Variants in PHOSPHO1 observed in about 807,000 individuals in gnomAD.
PHOSPHO1 encodes phosphoethanolamine/phosphocholine phosphatase.
In PHOSPHO1, 6 loss-of-function variants were observed where a neutral mutation model predicts 17.7. The observed-to-expected ratio is 0.34, with a 90% CI of 0.19 to 0.67. The LOEUF is 0.67. Among genes scored for constraint, PHOSPHO1 ranks in the 30% least tolerant of loss-of-function variants. The pLI, the probability that PHOSPHO1 is intolerant of heterozygous loss-of-function variation, is 0.69. For synonymous variants in PHOSPHO1, 159 were observed against 174.6 expected (o/e 0.91, Z 0.71); for missense variants, 330 against 392.1 (o/e 0.84, Z 1.34).
chr17:49,224,126 A>G lies in PHOSPHO1; in HGVS notation c.*120T>C. On this transcript the variant is annotated 3_prime_UTR_variant, in exon 3 of 3. Transcript: ENST00000310544. ...AGCCCCCAAATACGAGATTCCAGAA[A>G]TTCCCAGAGGGACATAACAAAGCCA... 2 of 1,366,086 alleles carry G rather than the reference A, an allele frequency of 1.5e-6. No homozygotes were observed. Among genetic ancestry groups the G allele is most frequent in the Non-Finnish European group, 1.9e-6 (2 of 1,039,366 alleles). 84.6% of individuals were successfully genotyped at this position (1,366,086 alleles called of 1,614,324 possible).
chr17:49,226,627 C>G lies in PHOSPHO1; in HGVS notation c.45+20G>C. 6.2e-7 allele frequency: 1 copy of G among 1,613,722 alleles called. No homozygotes were observed. Among genetic ancestry groups the G allele is most frequent in the Non-Finnish European group, 8.5e-7 (1 of 1,179,706 alleles). Reference sequence around the variant, plus strand: ...GGGCTGAGGCCTCATCCTAGGAGACCCCTGGAGGGACCCACTTACCCTAGA... The same window carrying G: ...GGGCTGAGGCCTCATCCTAGGAGACGCCTGGAGGGACCCACTTACCCTAGA... On this transcript the variant is annotated intron_variant, in intron 2 of 2. Coordinates refer to ENST00000310544, the MANE Select transcript of PHOSPHO1 (RefSeq NM_178500.4).
intron 2 of PHOSPHO1, chr17:49,225,810 C>T (rs2043349186): frequency 1.6e-6 from 2 of 1,216,518 alleles, no homozygotes; most frequent in Non-Finnish European, 2.1e-6. Flanking sequence ...GAGAAGAGAG[C>T]AGCAGTGGCT....
At chr17:49,226,388 C>T (rs1426271371) in intron 2 of PHOSPHO1, among the ~76,000 whole-genome samples, 1 of 152,182 alleles carries the variant, frequency 6.6e-6, no homozygotes, top group Non-Finnish European at 1.5e-5. Context: ...TCCCTTCCAC[C>T]TCATCCCTAG....
At chr17:49,225,067 G>A (rs992737328) in intron 2 of PHOSPHO1, 63 bp from the exon 3 acceptor site, 25 of 1,446,320 alleles carry the variant, frequency 1.7e-5, no homozygotes, top group Middle Eastern at 1.9e-4. Flanking sequence ...AGGGGGCGCG[G>A]CAGGAGCCCG....
chr17:49,224,415 C>G lies in PHOSPHO1; in HGVS notation c.635G>C (p.Gly212Ala). 1 of 1,553,398 alleles carries G rather than the reference C, an allele frequency of 6.4e-7. No individual in the cohort carries two copies. Among genetic ancestry groups the G allele is most frequent in the Non-Finnish European group, 8.7e-7 (1 of 1,151,544 alleles). ...GDGANDFCPM[G>A]LLAGGDVAFP... is the part of the protein sequence containing the mutation. ...GGCCACGTCGCCGCCCGCCAGCAGCCCCATGGGGCAGAAGTCGTTGGCGCC... is the reference window on the plus strand; with the variant it reads ...GGCCACGTCGCCGCCCGCCAGCAGCGCCATGGGGCAGAAGTCGTTGGCGCC... Residue 212 changes from glycine (G) to alanine (A), a missense_variant, in exon 3 of 3, where the codon GGG (glycine) becomes GCG (alanine). Physicochemically the swap from Gly to Ala is moderately conservative, Grantham distance 60. Coordinates refer to ENST00000310544, the MANE Select transcript of PHOSPHO1 (RefSeq NM_178500.4).
In PHOSPHO1 at chr17:49,223,914, C is replaced by G; in HGVS notation, c.*332G>C. 3.8e-6 allele frequency: 1 copy of G among 259,946 alleles called. No individual in the cohort carries two copies. The highest frequency in any genetic ancestry group is 7.3e-6 in the Non-Finnish European group (1 of 137,314). The allele number at this position is 259,946 out of a possible 1,614,324, so 16.1% of individuals were successfully genotyped here. On this transcript the variant is annotated 3_prime_UTR_variant, in exon 3 of 3. Transcript: ENST00000310544. ...GTTACAGCGGCGGGAGATGTTCCTT[C>G]TCTCACCTGCCGGGGGGGCCCCTTC...
At chr17:49,228,706 C>T (rs1302361331) in intron 1 of PHOSPHO1, among the ~76,000 whole-genome samples, 4 of 148,166 alleles carry the variant, frequency 2.7e-5, no homozygotes, top group Non-Finnish European at 4.4e-5. Flanking sequence ...AGGAGAATGG[C>T]GTGAACCCGG....
Position 49,226,754 on chromosome 17 carries a change from C to G in PHOSPHO1, c.-63G>C. 6.3e-7 allele frequency: 1 copy of G among 1,595,706 alleles called. No individual in the cohort carries two copies. Among genetic ancestry groups the G allele is most frequent in the Non-Finnish European group, 8.6e-7 (1 of 1,163,726 alleles). On this transcript the variant is annotated 5_prime_UTR_variant, in exon 2 of 3. Coordinates refer to ENST00000310544, the MANE Select transcript of PHOSPHO1 (RefSeq NM_178500.4). ...CTGTTGGCCTCCAGCCGTCGTCACA[C>G]GTTCCTGACAACCACAAAAGTTCAT...
In PHOSPHO1 at chr17:49,224,783, C is replaced by T. The variant is rs1268709002; in HGVS notation, c.267G>A (p.Leu89=). 6.3e-7 allele frequency: 1 copy of T among 1,598,684 alleles called. No individual in the cohort carries two copies. Among genetic ancestry groups the T allele is most frequent in the Non-Finnish European group, 8.5e-7 (1 of 1,173,028 alleles). ...AAGGGATGGCTTCGTAGATGGCGCT[C>T]AGGTCCCGCGGCCGCACGCCCTGCT... ...LGEQGVRPRD[L]SAIYEAIPLS... The change falls in exon 3 of 3, where the codon CTG becomes CTA. Residue 89 remains leucine (L), a synonymous_variant. Transcript: ENST00000310544.
intron 2 of PHOSPHO1, 54 bp from the exon 3 acceptor site, chr17:49,225,058 G>A (rs1447427599): frequency 1.4e-6 from 2 of 1,448,934 alleles, no homozygotes; most frequent in African/African-American, 1.4e-5. Context: ...GCAAGCGAGA[G>A]GGGGCGCGGC....
intron 1 of PHOSPHO1, among the ~76,000 whole-genome samples, chr17:49,229,373 G>A (rs931420834): frequency 6.6e-6 from 1 of 152,134 alleles, no homozygotes. Flanking sequence ...AGGGCTTCTG[G>A]GGGGTTGCAG....
At position 49,224,245 on chromosome 17, in the gene PHOSPHO1, C is replaced by T. The variant is rs1292029446; in HGVS notation, c.*1G>A. On this transcript the variant is annotated 3_prime_UTR_variant, in exon 3 of 3. Transcript: ENST00000310544. ...GGGTACCCCCCTGCAGGCGGCCAGA[C>T]TCAGCACGACTTCAGCACCTGTTGC... The T allele has an allele frequency of 6.4e-7, 1 of 1,563,054 alleles. No individual in the cohort carries two copies. The highest frequency in any genetic ancestry group is 8.6e-7 in the Non-Finnish European group (1 of 1,158,322).
In PHOSPHO1 at chr17:49,224,766, G is replaced by T; in HGVS notation, c.284C>A (p.Ala95Asp). 6.3e-7 allele frequency: 1 copy of T among 1,599,588 alleles called. No individual in the cohort carries two copies. The highest frequency in any genetic ancestry group is 1.1e-5 in the South Asian group (1 of 89,006). The stretch of plus-strand genomic sequence containing the variant: ...GCTCATGCCTGGCGACAAAGGGATG[G>T]CTTCGTAGATGGCGCTCAGGTCCCG... ...RPRDLSAIYE[A>D]IPLSPGMSDL... The change falls in exon 3 of 3, where the codon GCC becomes GAC. Residue 95 changes from alanine (A) to aspartate (D), a missense_variant. By Grantham distance (126) the Ala-to-Asp change is moderately radical. Coordinates refer to ENST00000310544, the MANE Select transcript of PHOSPHO1 (RefSeq NM_178500.4).
rs2043343613 is a variant in PHOSPHO1, at chr17:49,225,369, CTGGACTGTTT to C, written c.46-375_46-366del. ...TCACCACTTTGGGGAGGTTTCTGGACTGGACTGTTTTGGAGACTTCCAGTGGCCCCTGTTG... is the reference window on the plus strand; with the variant it reads ...TCACCACTTTGGGGAGGTTTCTGGACTGGAGACTTCCAGTGGCCCCTGTTG... On this transcript the variant is annotated intron_variant, in intron 2 of 2. Transcript: ENST00000310544. 3 of 985,274 alleles carry C rather than the reference CTGGACTGTTT, an allele frequency of 3.0e-6. No homozygotes were observed. The South Asian group carries it at 1.4e-4, about 46-fold the overall frequency. 61.0% of individuals were successfully genotyped at this position (985,274 alleles called of 1,614,324 possible).
In PHOSPHO1 at chr17:49,224,642, G is replaced by A. The variant is rs1383615662; in HGVS notation, c.408C>T (p.Ala136=). ...TFGVESSLRA[A]GHHSLFRRIL... ...TGCGGCGGAACAGGCTGTGGTGGCCGGCGGCGCGCAGCGAGCTCTCCACGC... is the reference window on the plus strand; with the variant it reads ...TGCGGCGGAACAGGCTGTGGTGGCCAGCGGCGCGCAGCGAGCTCTCCACGC... The change falls in exon 3 of 3, where the codon GCC becomes GCT. Residue 136 remains alanine, a synonymous_variant. Transcript: ENST00000310544. 1.3e-6 allele frequency: 2 copies of A among 1,582,968 alleles called. No homozygotes were observed. The highest frequency in any genetic ancestry group is 1.8e-5 in the Admixed American group (1 of 56,850).
Position 49,224,166 on chromosome 17 carries a change from T to A in PHOSPHO1, c.*80A>T. ...TAACAAAGCCAAAGGGAAAAGGGAGTAGTAAAGCTGTCTTTGCCGAATCTC... is the reference window on the plus strand; with the variant it reads ...TAACAAAGCCAAAGGGAAAAGGGAGAAGTAAAGCTGTCTTTGCCGAATCTC... On this transcript the variant is annotated 3_prime_UTR_variant, in exon 3 of 3. Coordinates refer to ENST00000310544, the MANE Select transcript of PHOSPHO1 (RefSeq NM_178500.4). 1 of 1,414,628 alleles carries A rather than the reference T, an allele frequency of 7.1e-7. No homozygotes were observed. The highest frequency in any genetic ancestry group is 9.2e-7 in the Non-Finnish European group (1 of 1,083,664). The allele number at this position is 1,414,628 out of a possible 1,614,324, so 87.6% of individuals were successfully genotyped here.
In PHOSPHO1 at chr17:49,224,398, CG is replaced by C. The variant is rs1366174987; in HGVS notation, c.651del (p.Asp218ThrfsTer47). The C allele has an allele frequency of 6.5e-7, 1 of 1,545,100 alleles. No individual in the cohort carries two copies. The highest frequency in any genetic ancestry group is 8.7e-7 in the Non-Finnish European group (1 of 1,148,186). ...TAGCCGCGGCGCGGGAAGGCCACGT[CG>C]CCGCCCGCCAGCAGCCCCATGGGGC... ...DFCPMGLLAG[G>X]DVAFPRRGYP... On this transcript the variant is annotated frameshift_variant, in exon 3 of 3. Transcript: ENST00000310544. LOFTEE classifies it high-confidence loss of function.
chr17:49,225,505 T>C (rs1567889120), intron 2 of PHOSPHO1: 1 of 985,422 alleles, frequency 1.0e-6, no homozygotes, highest in South Asian at 4.7e-5. Context: ...CTGGACCAGT[T>C]TCCTCATTCT....
rs781033286 is a variant in PHOSPHO1, at chr17:49,224,460, C to T, written c.590G>A (p.Arg197His). Reference protein sequence around the residue: ...ERAHDGVHFERLFYVGDGAND... With the variant: ...ERAHDGVHFEHLFYVGDGAND... ...GGCGCCGTCGCCCACGTAGAAGAGG[C>T]GCTCGAAGTGCACGCCGTCGTGGGC... The change falls in exon 3 of 3, where the codon CGC becomes CAC. Residue 197 changes from arginine to histidine, a missense_variant. Transcript: ENST00000310544. 7.0e-6 allele frequency: 11 copies of T among 1,560,462 alleles called. No homozygotes were observed. Among genetic ancestry groups the T allele is most frequent in the Non-Finnish European group, 3.5e-6 (4 of 1,154,688 alleles).
Sources: gnomAD v4.1 joint callset for allele counts (sites outside exome capture counted in the v4.1 genomes callset) on GRCh38, gnomAD v4.1.1 for gene constraint, MANE v1.5 for transcripts, NCBI Gene and HGNC (gene_info 2026-07-23, HGNC 2026-07-21) for gene names.